The following DGKB variants were observed in gnomAD, a reference collection of about 807,000 sequenced individuals.
DGKB encodes 90 kDa diacylglycerol kinase.
In DGKB, 67 loss-of-function variants were observed where a neutral mutation model predicts 114.3. The ratio of observed to expected loss-of-function variants is 0.59; its 90% confidence interval spans 0.48 to 0.72. DGKB has a LOEUF of 0.72. DGKB is among the 30% of genes least tolerant of loss of function. DGKB has a pLI of 0.00. For synonymous variants in DGKB, 398 were observed against 323.1 expected (o/e 1.23, Z -2.49); for missense variants, 907 against 975.2 (o/e 0.93, Z 0.93).
Position 14,496,710 on chromosome 7 carries a change from C to T in DGKB, c.1771-18485G>A, listed in dbSNP as rs56307021. 9.6e-3 allele frequency among the ~76,000 whole-genome samples: 1,465 copies of T among 151,814 alleles called. 19 individuals are homozygous for T. Among genetic ancestry groups the T allele is most frequent in the African/African-American group, 0.033 (1,361 of 41,476 alleles). The stretch of plus-strand genomic sequence containing the variant: ...TGCATCAGTGACAAAGAGGCAGAAA[C>T]ATTATTCTAAAGTTTTTGAAAACAG... On this transcript the variant is annotated intron_variant, in intron 20 of 25. Transcript: ENST00000402815.
rs146945164 is a variant in DGKB, at chr7:14,364,513, T to C, written c.1836-19122A>G. On this transcript the variant is annotated intron_variant, in intron 21 of 25. Transcript: ENST00000402815. ...ACATTCAATCGTCACAATAGAGTAA[T>C]TTTCTCTCATCATCCATAAATCTAT... is the stretch of plus-strand genomic sequence containing the variant. Among the ~76,000 whole-genome samples the C allele has an allele frequency of 6.8e-3, 1,033 of 152,128 alleles. 21 individuals carry two copies. Among genetic ancestry groups the C allele is most frequent in the Non-Finnish European group, 5.9e-3 (400 of 67,964 alleles).
intron 20 of DGKB, among the ~76,000 whole-genome samples, chr7:14,562,335 A>C (rs922988383): frequency 1.7e-4 from 26 of 152,180 alleles, no homozygotes; most frequent in African/African-American, 6.3e-4. Flanking sequence ...GCATAAGGGA[A>C]ATGTGGGGTT....
intron 1 of DGKB, among the ~76,000 whole-genome samples, chr7:14,926,727 C>A (rs960474801): frequency 6.6e-6 from 1 of 151,510 alleles, no homozygotes; most frequent in Non-Finnish European, 1.5e-5. Context: ...TTCTGATATA[C>A]CCAACATGTA....
chr7:14,224,162 T>G (rs1296012314), intron 23 of DGKB, among the ~76,000 whole-genome samples: 1 of 151,934 alleles, frequency 6.6e-6, no homozygotes, highest in Non-Finnish European at 1.5e-5. Flanking sequence ...TACTCCATCT[T>G]GCAATATGTT....
chr7:14,224,133 A>G (rs1790420307), intron 23 of DGKB, among the ~76,000 whole-genome samples: 1 of 151,600 alleles, frequency 6.6e-6, no homozygotes, highest in African/African-American at 2.4e-5. Flanking sequence ...GCTTCCTCCT[A>G]TCTTTATTTC....
At chr7:14,236,882 C>A (rs1562701677) in intron 23 of DGKB, among the ~76,000 whole-genome samples, 2 of 149,324 alleles carry the variant, frequency 1.3e-5, no homozygotes. Context: ...ACATTAAGCA[C>A]TTTTTTTTTT....
At chr7:14,336,785 C>T (rs984152046) in intron 23 of DGKB, among the ~76,000 whole-genome samples, 2 of 152,044 alleles carry the variant, frequency 1.3e-5, no homozygotes, top group African/African-American at 4.8e-5. Context: ...AGCTCCAGAG[C>T]GAGTGTACAG....
At chr7:14,376,474 C>T (rs1236744216) in intron 21 of DGKB, among the ~76,000 whole-genome samples, 2 of 152,038 alleles carry the variant, frequency 1.3e-5, no homozygotes, top group Non-Finnish European at 2.9e-5. Context: ...CTAGGTCATG[C>T]CCCCAAAATT....
chr7:14,802,502 T>A (rs1462594079), intron 2 of DGKB, among the ~76,000 whole-genome samples: 1 of 152,186 alleles, frequency 6.6e-6, no homozygotes, highest in East Asian at 1.9e-4. Flanking sequence ...ATTTCTGCAA[T>A]GTCTCTGAAG....
At chr7:14,524,020 G>C (rs919116789) in intron 20 of DGKB, among the ~76,000 whole-genome samples, 2 of 152,108 alleles carry the variant, frequency 1.3e-5, no homozygotes, top group African/African-American at 4.8e-5. Flanking sequence ...TCTGGATCGA[G>C]ACACACGGGC....
chr7:14,357,202 T>A (rs6953626), intron 21 of DGKB, among the ~76,000 whole-genome samples: 11,223 of 152,172 alleles, frequency 0.074, 672 homozygotes, highest in African/African-American at 0.16. Flanking sequence ...GGGGTGTTAA[T>A]GTCTCCCATT....
intron 21 of DGKB, among the ~76,000 whole-genome samples, chr7:14,413,674 A>G (rs1825254853): frequency 6.6e-6 from 1 of 152,128 alleles, no homozygotes; most frequent in Non-Finnish European, 1.5e-5. Flanking sequence ...ACTGTAATAC[A>G]TCTTGCTAAG....
chr7:14,647,971 CT>C (rs1813459010), intron 13 of DGKB, among the ~76,000 whole-genome samples: 1 of 152,234 alleles, frequency 6.6e-6, no homozygotes, highest in African/African-American at 2.4e-5. Flanking sequence ...AGATTATATC[CT>C]GCACCTGGCT....
At chr7:14,472,519 G>A (rs1049001548) in intron 21 of DGKB, among the ~76,000 whole-genome samples, 1 of 152,142 alleles carries the variant, frequency 6.6e-6, no homozygotes, top group Admixed American at 6.6e-5. Context: ...CATGAAAACG[G>A]ACTAATGCAA....
chr7:14,625,877 G>A (rs914697285), intron 14 of DGKB, among the ~76,000 whole-genome samples: 5 of 152,080 alleles, frequency 3.3e-5, no homozygotes, highest in African/African-American at 1.2e-4. Flanking sequence ...AACCATTTGT[G>A]TTTGCTATGT....
chr7:14,480,049 T>G (rs539041504), intron 20 of DGKB, among the ~76,000 whole-genome samples: 6 of 152,108 alleles, frequency 3.9e-5, no homozygotes, highest in African/African-American at 7.2e-5. Flanking sequence ...AGTACAATTT[T>G]TTTTACAGGT....
chr7:14,613,488 A>G (rs1805947010), intron 15 of DGKB, 75 bp from the exon 16 acceptor site: 4 of 777,584 alleles, frequency 5.1e-6, no homozygotes, highest in African/African-American at 1.8e-5. Context: ...TTATTTCTAA[A>G]TTATAAAATA....
intron 18 of DGKB, among the ~76,000 whole-genome samples, chr7:14,582,402 G>C (rs534761496): frequency 6.6e-6 from 1 of 152,116 alleles, no homozygotes; most frequent in South Asian, 2.1e-4. Flanking sequence ...TAAAAATCGA[G>C]CGTTTTCAGT....
chr7:14,972,261 A>C (rs1341058034), intron 1 of DGKB, among the ~76,000 whole-genome samples: 1 of 152,272 alleles, frequency 6.6e-6, no homozygotes, highest in East Asian at 1.9e-4. Flanking sequence ...TTTTAGATTT[A>C]ATATATTTCT....
Sources: allele counts gnomAD v4.1 joint callset (sites outside exome capture counted in the v4.1 genomes callset), GRCh38; gene constraint gnomAD v4.1.1; transcripts MANE v1.5; gene names NCBI Gene and HGNC (gene_info 2026-07-23, HGNC 2026-07-21).